The following PTPRK variants were observed in gnomAD, a reference collection of about 807,000 sequenced individuals.
The protein encoded by PTPRK is protein tyrosine phosphatase receptor type K, also known as receptor-type tyrosine-protein phosphatase kappa.
In PTPRK, 75 loss-of-function variants were observed where a neutral mutation model predicts 178.0. That is an observed-to-expected ratio of 0.42 (90% CI 0.35 to 0.51). The LOEUF is 0.51. Among genes scored for constraint, PTPRK ranks in the 20% least tolerant of loss-of-function variants. The probability of loss-of-function intolerance (pLI) is 0.02; values close to 1 mark genes in which losing one functional copy is unlikely to be tolerated. For synonymous variants in PTPRK, 637 were observed against 620.6 expected, an observed-to-expected ratio of 1.03 and a Z score of -0.39; for missense variants, 1,441 against 1,797.8, an observed-to-expected ratio of 0.80 and a Z score of 3.59.
chr6:128,125,667 T>C (rs1474585713), intron 7 of PTPRK, among the ~76,000 whole-genome samples: 1 of 145,402 alleles, frequency 6.9e-6, no homozygotes, highest in African/African-American at 2.6e-5. Flanking sequence ...TGGAGTGCAG[T>C]AGCTCAATCT....
At chr6:128,245,199 C>T (rs1455083788) in intron 3 of PTPRK, among the ~76,000 whole-genome samples, 4 of 151,972 alleles carry the variant, frequency 2.6e-5, no homozygotes, top group Admixed American at 2.0e-4. Context: ...GTGGTGAAGC[C>T]GGGAATGGCC....
chr6:128,188,522 T>C, intron 6 of PTPRK, among the ~76,000 whole-genome samples: 1 of 149,232 alleles, frequency 6.7e-6, no homozygotes, highest in South Asian at 2.1e-4. Context: ...CTAAGGGTTT[T>C]ATTTGTCAAT....
intron 13 of PTPRK, among the ~76,000 whole-genome samples, chr6:128,041,134 G>C (rs1305664596): frequency 6.6e-6 from 1 of 151,654 alleles, no homozygotes; most frequent in East Asian, 1.9e-4. Flanking sequence ...GATCAATAGG[G>C]GTTACATAAT....
At chr6:128,233,053 AC>A (rs1287178259) in intron 5 of PTPRK, among the ~76,000 whole-genome samples, 2 of 152,260 alleles carry the variant, frequency 1.3e-5, no homozygotes, top group African/African-American at 4.8e-5. Context: ...CAGGAAGCTT[AC>A]CTTCATTATA....
intron 3 of PTPRK, among the ~76,000 whole-genome samples, chr6:128,308,364 TA>T (rs1826748447): frequency 1.3e-5 from 2 of 151,858 alleles, no homozygotes; most frequent in Non-Finnish European, 2.9e-5. Context: ...AAAACATACA[TA>T]TATTATTATT....
At chr6:128,022,928 C>T (rs1325775075) in intron 13 of PTPRK, among the ~76,000 whole-genome samples, 1 of 152,212 alleles carries the variant, frequency 6.6e-6, no homozygotes, top group Non-Finnish European at 1.5e-5. Context: ...ATACTGGAGC[C>T]TGCCTCATCT....
rs72983970 is a variant in PTPRK, at chr6:128,194,573, T to C, written c.869-9848A>G. Reference sequence around the variant, plus strand: ...GCTTTGTCAGAGCTCAAACTGTTCATAGTATTTCAAGAAAAGAACATCCAG... The same window carrying C: ...GCTTTGTCAGAGCTCAAACTGTTCACAGTATTTCAAGAAAAGAACATCCAG... On this transcript the variant is annotated intron_variant, in intron 6 of 29. Transcript: ENST00000368226. Among the ~76,000 whole-genome samples, 646 of 152,284 alleles carry C rather than the reference T, an allele frequency of 4.2e-3. 4 individuals carry two copies. Among genetic ancestry groups the C allele is most frequent in the Non-Finnish European group, 6.4e-3 (438 of 68,022 alleles).
chr6:128,170,934 G>A (rs1337906218), intron 7 of PTPRK, among the ~76,000 whole-genome samples: 1 of 151,008 alleles, frequency 6.6e-6, no homozygotes, highest in East Asian at 1.9e-4. Flanking sequence ...CACTTAGATT[G>A]TGCAGTGATG....
chr6:128,023,559 G>A (rs1047320811), intron 13 of PTPRK, among the ~76,000 whole-genome samples: 8 of 152,040 alleles, frequency 5.3e-5, no homozygotes, highest in Non-Finnish European at 1.2e-4. Context: ...AAACTCTGCT[G>A]GGAAGTATTC....
chr6:128,362,502 T>C (rs1479160598), intron 2 of PTPRK, among the ~76,000 whole-genome samples: 5 of 152,192 alleles, frequency 3.3e-5, no homozygotes, highest in Admixed American at 1.3e-4. Flanking sequence ...ATTTTACATA[T>C]ATACTATTCT....
chr6:128,326,307 T>C (rs1001067906), intron 2 of PTPRK, among the ~76,000 whole-genome samples: 1 of 152,066 alleles, frequency 6.6e-6, no homozygotes, highest in Non-Finnish European at 1.5e-5. Flanking sequence ...TTAAAGTATA[T>C]TTTAAAAAAA....
chr6:128,337,666 T>A (rs537602247), intron 2 of PTPRK, among the ~76,000 whole-genome samples: 8 of 152,192 alleles, frequency 5.3e-5, no homozygotes, highest in Admixed American at 2.0e-4. Context: ...TTTTCCTTCA[T>A]GGGGCTTCTT....
At chr6:128,169,735 T>C (rs1035635751) in intron 7 of PTPRK, among the ~76,000 whole-genome samples, 1 of 151,918 alleles carries the variant, frequency 6.6e-6, no homozygotes, top group African/African-American at 2.4e-5. Flanking sequence ...CATCTTGTTA[T>C]TGTTAAGCAT....
chr6:128,361,823 A>C, intron 2 of PTPRK, among the ~76,000 whole-genome samples: 1 of 152,186 alleles, frequency 6.6e-6, no homozygotes, highest in Non-Finnish European at 1.5e-5. Context: ...ACTACATTTA[A>C]ATAATAAAAA....
chr6:128,043,046 T>C (rs879585086), intron 13 of PTPRK, among the ~76,000 whole-genome samples: 2 of 152,072 alleles, frequency 1.3e-5, no homozygotes, highest in African/African-American at 4.8e-5. Flanking sequence ...TTACTGTTGA[T>C]ATTATTTGAA....
intron 12 of PTPRK, among the ~76,000 whole-genome samples, chr6:128,065,631 T>G (rs999671452): frequency 5.9e-5 from 9 of 152,228 alleles, no homozygotes; most frequent in African/African-American, 9.6e-5. Flanking sequence ...TAGTTCTATA[T>G]GTTGATAATT....
At chr6:128,359,119 T>C (rs1427427043) in intron 2 of PTPRK, among the ~76,000 whole-genome samples, 1 of 152,220 alleles carries the variant, frequency 6.6e-6, no homozygotes, top group Non-Finnish European at 1.5e-5. Context: ...AGGATCTCAC[T>C]GGAGGGCAAC....
chr6:128,454,357 AAG>A (rs1848148070), intron 1 of PTPRK, among the ~76,000 whole-genome samples: 1 of 152,234 alleles, frequency 6.6e-6, no homozygotes, highest in Non-Finnish European at 1.5e-5. Context: ...ATAATTTAAA[AAG>A]AGTTATCTAA....
intron 3 of PTPRK, among the ~76,000 whole-genome samples, chr6:128,256,181 T>C (rs1738274): frequency 8.9e-4 from 135 of 152,244 alleles, no homozygotes; most frequent in African/African-American, 3.2e-3. Context: ...AGCACAGTTA[T>C]ATGTGATAAA....
Sources: gnomAD v4.1 joint callset for allele counts (sites outside exome capture counted in the v4.1 genomes callset) on GRCh38, gnomAD v4.1.1 for gene constraint, MANE v1.5 for transcripts, NCBI Gene and HGNC (gene_info 2026-07-23, HGNC 2026-07-21) for gene names.